ANKRD36: variants seen among roughly 807,000 people sequenced by gnomAD.
ANKRD36 encodes ankyrin repeat domain 36.
Under a neutral mutation model 278.1 loss-of-function variants are expected in ANKRD36, and 179 were observed. The ratio of observed to expected loss-of-function variants is 0.64; its 90% CI spans 0.57 to 0.73. The LOEUF is 0.73. ANKRD36 is among the 30% of genes least tolerant of loss of function. ANKRD36 has a pLI of 0.00. For synonymous variants in ANKRD36, 320 were observed against 641.1 expected (o/e 0.50, Z 7.57); for missense variants, 1,159 against 1,956.7 (o/e 0.59, Z 7.69).
rs1300935905 is a variant in ANKRD36 at position 97,216,779 on chromosome 2, G to A, written c.3674-398G>A. 1.1e-5 allele frequency: 5 copies of A among 446,224 alleles called. No individual in the cohort carries two copies. The East Asian group carries it at 1.7e-4, about 15-fold the overall frequency. 27.6% of individuals were successfully genotyped at this position (446,224 alleles called of 1,614,324 possible). On this transcript the variant is annotated intron_variant, in intron 62 of 75. Transcript: ENST00000420699. ...TGATGAATGTCTGTAGTATAATGGT[G>A]TAAATCCTTTTGATTTCTTGCATGA...
intron 22 of ANKRD36, among the ~76,000 whole-genome samples, chr2:97,177,001 G>T (rs1333579583): frequency 6.6e-6 from 1 of 151,468 alleles, no homozygotes; most frequent in Middle Eastern, 3.4e-3. Flanking sequence ...AAATCAATGT[G>T]CAAAAATCAC....
intron 66 of ANKRD36, among the ~76,000 whole-genome samples, chr2:97,221,855 C>T (rs1366256253): frequency 1.5e-3 from 217 of 147,158 alleles, no homozygotes; most frequent in African/African-American, 5.3e-3. Context: ...TCCTTGCCCA[C>T]GCCTATGTCC....
At chr2:97,185,537 C>G (rs1315278182) in intron 30 of ANKRD36, 27 bp downstream of exon 30, 1 of 1,602,172 alleles carries the variant, frequency 6.2e-7, no homozygotes, top group Admixed American at 1.7e-5. Context: ...CATTTAATGT[C>G]ATGTTCAGTC....
chr2:97,200,414 A>G (rs2061024052), intron 45 of ANKRD36, 39 bp from the exon 46 acceptor site: 1 of 1,602,098 alleles, frequency 6.2e-7, no homozygotes, highest in Admixed American at 1.7e-5. Context: ...AGCCTATGAA[A>G]CATACCTTAT....
chr2:97,222,093 A>G (rs2067905796), intron 66 of ANKRD36, among the ~76,000 whole-genome samples: 1 of 151,954 alleles, frequency 6.6e-6, no homozygotes, highest in Non-Finnish European at 1.5e-5. Flanking sequence ...AGTTATAGAT[A>G]TGTGGCATTA....
chr2:97,218,473 A>G (rs1175553154), intron 64 of ANKRD36, among the ~76,000 whole-genome samples: 1 of 149,756 alleles, frequency 6.7e-6, no homozygotes, highest in African/African-American at 2.5e-5. Context: ...CCACATGGGC[A>G]TGATAAATAA....
At chr2:97,175,643 C>T (rs867872140) in intron 22 of ANKRD36, among the ~76,000 whole-genome samples, 26 of 150,020 alleles carry the variant, frequency 1.7e-4, no homozygotes, top group African/African-American at 5.3e-4. Context: ...GCTCTGATTT[C>T]AGTTATTTCT....
intron 38 of ANKRD36, among the ~76,000 whole-genome samples, chr2:97,193,830 A>G (rs532702142): frequency 3.7e-4 from 56 of 151,784 alleles, no homozygotes; most frequent in Admixed American, 5.3e-4. Flanking sequence ...TAAAAAAGCT[A>G]TTTAATGAAA....
intron 22 of ANKRD36, among the ~76,000 whole-genome samples, chr2:97,178,084 T>C (rs2054871331): frequency 6.6e-6 from 1 of 150,482 alleles, no homozygotes; most frequent in Middle Eastern, 3.4e-3. Flanking sequence ...AAAATGCTCA[T>C]CATCACTGGC....
chr2:97,201,259 T>C (rs1243446374), intron 46 of ANKRD36, among the ~76,000 whole-genome samples: 7 of 151,998 alleles, frequency 4.6e-5, no homozygotes, highest in Admixed American at 6.6e-5. Flanking sequence ...AATATGAATA[T>C]GTTGGTTTCC....
At chr2:97,165,495 G>T (rs1332324532) in intron 20 of ANKRD36, among the ~76,000 whole-genome samples, 1 of 152,114 alleles carries the variant, frequency 6.6e-6, no homozygotes, top group Non-Finnish European at 1.5e-5. Context: ...CAGATACCCC[G>T]AGTATAGCTG....
In ANKRD36 at chr2:97,122,960, A is replaced by G; in HGVS notation, c.560A>G (p.Lys187Arg). 6.5e-7 allele frequency: 1 copy of G among 1,544,120 alleles called. No individual in the cohort carries two copies. The highest frequency in any genetic ancestry group is 1.4e-5 in the African/African-American group (1 of 72,956). ...VKMVEFLLKK[K>R]ANVNAIDYLG... ...ATGGTGGAATTTTTATTAAAGAAAA[A>G]AGCAAATGTAAATGCCATTGATTAT... is the stretch of plus-strand genomic sequence containing the variant. The change falls in exon 4 of 76, where the codon AAA (lysine) becomes AGA (arginine). Residue 187 changes from lysine to arginine, a missense_variant. Lys to Arg is a conservative substitution (Grantham distance 26, BLOSUM62 2). Transcript: ENST00000420699.
At position 97,200,517 on chromosome 2, in the gene ANKRD36, C is replaced by A; in HGVS notation, c.2849C>A (p.Ser950Tyr). The change falls in exon 46 of 76, where the codon TCT becomes TAT. Residue 950 changes from serine (S) to tyrosine (Y), a missense_variant. By Grantham distance (144) the Ser-to-Tyr change is moderately radical. Transcript: ENST00000420699. ...ITREKKDGEI[S>Y]RKVSSQKPPA... is the part of the protein sequence containing the mutation. Reference sequence around the variant, plus strand: ...AGAGAAAAAAAGGATGGAGAAATATCTAGGAAAGGTAATTTTGCGAAACAC... The same window carrying A: ...AGAGAAAAAAAGGATGGAGAAATATATAGGAAAGGTAATTTTGCGAAACAC... The A allele has an allele frequency of 6.4e-7, 1 of 1,560,404 alleles. No homozygotes were observed. The highest frequency in any genetic ancestry group is 8.6e-7 in the Non-Finnish European group (1 of 1,157,976).
intron 42 of ANKRD36, among the ~76,000 whole-genome samples, chr2:97,197,367 T>G (rs1230069827): frequency 1.3e-5 from 2 of 151,956 alleles, no homozygotes; most frequent in African/African-American, 4.8e-5. Context: ...AATACTTGAT[T>G]TTGGCTGCTG....
intron 17 of ANKRD36, among the ~76,000 whole-genome samples, chr2:97,159,725 AAAT>A (rs1046016086): frequency 1.3e-5 from 2 of 150,806 alleles, no homozygotes; most frequent in Non-Finnish European, 3.0e-5. Context: ...ATAAGTAATT[AAAT>A]AATAAAAAAT....
chr2:97,250,394 G>T (rs374855587), intron 75 of ANKRD36, among the ~76,000 whole-genome samples: 1 of 143,344 alleles, frequency 7.0e-6, no homozygotes, highest in Admixed American at 7.7e-5. Flanking sequence ...TAAAAAAATC[G>T]CAAGAAATCT....
chr2:97,171,690 T>A (rs2052578712), intron 22 of ANKRD36, among the ~76,000 whole-genome samples: 1 of 142,622 alleles, frequency 7.0e-6, no homozygotes. Context: ...ACCCTAAAAC[T>A]TAAAGTATAA....
intron 6 of ANKRD36, among the ~76,000 whole-genome samples, chr2:97,129,575 G>C (rs866444767): frequency 4.6e-5 from 7 of 152,006 alleles, no homozygotes; most frequent in Non-Finnish European, 8.8e-5. Flanking sequence ...GTATTGCCTA[G>C]GTTTTCTTGT....
chr2:97,127,491 TA>T (rs1363210295), intron 6 of ANKRD36, among the ~76,000 whole-genome samples: 1 of 151,940 alleles, frequency 6.6e-6, no homozygotes, highest in Non-Finnish European at 1.5e-5. Flanking sequence ...ATTTGTAAAA[TA>T]AATTCTTTGC....
Sources: allele counts gnomAD v4.1 joint callset (sites outside exome capture counted in the v4.1 genomes callset), GRCh38; gene constraint gnomAD v4.1.1; transcripts MANE v1.5; gene names NCBI Gene and HGNC (gene_info 2026-07-23, HGNC 2026-07-21).